ANXA8: variants seen among roughly 807,000 people sequenced by gnomAD.
ANXA8 encodes the protein annexin A8.
In ANXA8, 9 loss-of-function variants were observed where a neutral mutation model predicts 26.8. That is an observed-to-expected ratio of 0.34 (90% CI 0.20 to 0.59). ANXA8 has a LOEUF of 0.59. Among genes scored for constraint, ANXA8 ranks in the 20% least tolerant of loss-of-function variants. ANXA8 has a pLI of 0.84. For synonymous variants in ANXA8, 39 were observed against 94.8 expected, an observed-to-expected ratio of 0.41 and a Z score of 3.42; for missense variants, 83 against 238.5, an observed-to-expected ratio of 0.35 and a Z score of 4.29.
chr10:47,668,434 AC>A, the ANXA8 span, among the ~76,000 whole-genome samples: 1 of 147,042 alleles, frequency 6.8e-6, no homozygotes, highest in African/African-American at 2.6e-5. Context: ...AACCTAGCTA[AC>A]TTTTTTGATT....
At chr10:47,596,931 C>T in the ANXA8 span, among the ~76,000 whole-genome samples, 6 of 147,600 alleles carry the variant, frequency 4.1e-5, 1 homozygote. Context: ...ATCCTGATAC[C>T]AAAATATGGC....
chr10:47,961,032 A>G, the ANXA8 span, among the ~76,000 whole-genome samples: 2 of 140,142 alleles, frequency 1.4e-5, no homozygotes, highest in African/African-American at 5.6e-5. Flanking sequence ...TTAGGACTCG[A>G]GAATGGTGCA....
At chr10:47,554,825 T>G in the ANXA8 span, among the ~76,000 whole-genome samples, 1 of 152,134 alleles carries the variant, frequency 6.6e-6, no homozygotes, top group African/African-American at 2.4e-5. Flanking sequence ...CATGCTTCCC[T>G]TATCCCTGAA....
the ANXA8 span, among the ~76,000 whole-genome samples, chr10:47,691,613 A>C: frequency 2.5e-4 from 38 of 150,172 alleles, no homozygotes; most frequent in African/African-American, 9.5e-4. Context: ...CTCTACAAAA[A>C]ATAAATTAAG....
chr10:47,535,702 A>C, the ANXA8 span, among the ~76,000 whole-genome samples: 10 of 86,970 alleles, frequency 1.1e-4, 1 homozygote, highest in Non-Finnish European at 1.7e-4. Flanking sequence ...AGAATATTAA[A>C]AAATATGTAA....
At chr10:47,720,124 C>T in the ANXA8 span, 1 of 1,147,908 alleles carries the variant, frequency 8.7e-7, no homozygotes, top group Non-Finnish European at 1.2e-6. Flanking sequence ...AAAAACTAGT[C>T]TGTAAACTCT....
the ANXA8 span, among the ~76,000 whole-genome samples, chr10:47,527,945 A>C: frequency 2.0e-5 from 3 of 149,188 alleles, no homozygotes; most frequent in Non-Finnish European, 4.5e-5. Context: ...AGGTGCGTGC[A>C]ATCCGGATCA....
At chr10:47,511,437 A>C in the ANXA8 span, among the ~76,000 whole-genome samples, 15 of 133,110 alleles carry the variant, frequency 1.1e-4, 1 homozygote, top group African/African-American at 4.0e-4. Context: ...TAGGCCACCA[A>C]CAAGTGAGGA....
chr10:47,751,068 C>T, the ANXA8 span: 1 of 150,644 alleles, frequency 6.6e-6, no homozygotes, highest in Non-Finnish European at 1.5e-5. Flanking sequence ...TTAATGAGTA[C>T]ATTAAAAATC....
At chr10:47,891,592 AG>A in the ANXA8 span, among the ~76,000 whole-genome samples, 21 of 5,302 alleles carry the variant, frequency 4.0e-3, no homozygotes, top group African/African-American at 9.5e-3. Flanking sequence ...ACAAATAAAT[AG>A]AAAAAAAAAA....
At chr10:47,565,469 A>AGGCGGCCC in the ANXA8 span, 2 of 408,080 alleles carry the variant, frequency 4.9e-6, no homozygotes, top group East Asian at 4.5e-5. Flanking sequence ...CGCCCCCAGC[A>AGGCGGCCC]GGCGGCCCGG....
chr10:47,498,253 T>G, the ANXA8 span, among the ~76,000 whole-genome samples: 64 of 149,700 alleles, frequency 4.3e-4, no homozygotes, highest in Non-Finnish European at 6.9e-4. Context: ...GAACACCGTA[T>G]TTGTCTTTTT....
the ANXA8 span, among the ~76,000 whole-genome samples, chr10:47,748,647 C>T: frequency 2.6e-5 from 4 of 152,218 alleles, no homozygotes; most frequent in Admixed American, 2.6e-4. Flanking sequence ...CTCCTTCCTG[C>T]CTCCCTCCTG....
chr10:47,621,769 G>C, the ANXA8 span, among the ~76,000 whole-genome samples: 1 of 109,124 alleles, frequency 9.2e-6, no homozygotes, highest in Non-Finnish European at 2.0e-5. Context: ...CTATGCTAAA[G>C]TTCTGCTATA....
At chr10:47,733,143 A>ATCAATCTT in the ANXA8 span, among the ~76,000 whole-genome samples, 2 of 98,066 alleles carry the variant, frequency 2.0e-5, no homozygotes, top group African/African-American at 3.8e-5. Context: ...CAACTCCCTA[A>ATCAATCTT]TCTTTCTTTC....
the ANXA8 span, among the ~76,000 whole-genome samples, chr10:47,644,665 G>T: frequency 6.6e-6 from 1 of 151,542 alleles, no homozygotes; most frequent in Non-Finnish European, 1.5e-5. Context: ...AATATTTAAG[G>T]GTCTTTCCTA....
chr10:47,585,614 C>T, the ANXA8 span, among the ~76,000 whole-genome samples: 1 of 146,420 alleles, frequency 6.8e-6, no homozygotes, highest in South Asian at 2.1e-4. Flanking sequence ...GGAAACGGGA[C>T]ACAAGAAAAT....
At chr10:47,526,757 G>C in the ANXA8 span, among the ~76,000 whole-genome samples, 1 of 144,556 alleles carries the variant, frequency 6.9e-6, no homozygotes. Context: ...AACCAATTAA[G>C]AGACTTTCTC....
chr10:47,688,500 C>T, the ANXA8 span, among the ~76,000 whole-genome samples: 4 of 151,646 alleles, frequency 2.6e-5, no homozygotes, highest in East Asian at 2.0e-4. Context: ...TGGCTCACTG[C>T]AACCTCCTCC....
Sources: gnomAD v4.1 joint callset for allele counts (sites outside exome capture counted in the v4.1 genomes callset) on GRCh38, gnomAD v4.1.1 for gene constraint, MANE v1.5 for transcripts, NCBI Gene and HGNC (gene_info 2026-07-23, HGNC 2026-07-21) for gene names.